Variants in COBL observed in about 807,000 individuals in gnomAD.
COBL encodes the protein protein cordon-bleu.
In COBL, 51 loss-of-function variants were observed where a neutral mutation model predicts 98.8. The ratio of observed to expected loss-of-function variants is 0.52; its 90% CI spans 0.41 to 0.65. The LOEUF is 0.65. Among genes scored for constraint, COBL ranks in the 30% least tolerant of loss-of-function variants. The pLI, the probability that COBL is intolerant of heterozygous loss-of-function variation, is 0.00. For synonymous variants in COBL, 634 were observed against 651.7 expected, an observed-to-expected ratio of 0.97 and a Z score of 0.41; for missense variants, 1,617 against 1,617.5, an observed-to-expected ratio of 1.00 and a Z score of 0.01.
At chr7:51,237,315 AAGG>A (rs1312747274) in intron 1 of COBL, among the ~76,000 whole-genome samples, 1 of 139,882 alleles carries the variant, frequency 7.1e-6, no homozygotes, top group Non-Finnish European at 1.5e-5. Context: ...TAAGCAAATA[AAGG>A]AGTTTACTTC....
intron 7 of COBL, among the ~76,000 whole-genome samples, chr7:51,057,132 C>T (rs765986307): frequency 1.2e-4 from 18 of 152,258 alleles, no homozygotes; most frequent in South Asian, 1.0e-3. Flanking sequence ...CTCAAGGTTG[C>T]AGAGATTGTG....
intron 7 of COBL, among the ~76,000 whole-genome samples, chr7:51,081,888 C>T (rs1006587867): frequency 1.3e-5 from 2 of 152,086 alleles, no homozygotes; most frequent in Non-Finnish European, 2.9e-5. Flanking sequence ...GAGCCATCCA[C>T]GCCACGGCTG....
chr7:51,203,358 A>C (rs1451119413), intron 2 of COBL, among the ~76,000 whole-genome samples: 2 of 135,292 alleles, frequency 1.5e-5, no homozygotes, highest in African/African-American at 6.0e-5. Context: ...GCTACTCGGG[A>C]GGCTGAGGCA....
intron 5 of COBL, chr7:51,156,510 C>T (rs1042501212): frequency 2.4e-5 from 24 of 984,958 alleles, no homozygotes; most frequent in Middle Eastern, 5.2e-4. Flanking sequence ...AGGAGTTACG[C>T]TCACCATATA....
chr7:51,303,180 G>T (rs1052554240), intron 1 of COBL, among the ~76,000 whole-genome samples: 1 of 152,196 alleles, frequency 6.6e-6, no homozygotes, highest in Non-Finnish European at 1.5e-5. Flanking sequence ...CGGATGCAGA[G>T]ATAGACACAA....
chr7:51,165,248 C>A (rs1787192608), intron 5 of COBL, among the ~76,000 whole-genome samples: 1 of 151,804 alleles, frequency 6.6e-6, no homozygotes, highest in South Asian at 2.1e-4. Flanking sequence ...AAAAATACAC[C>A]TCAACTGAAA....
At chr7:51,291,616 C>G (rs903529397) in intron 1 of COBL, among the ~76,000 whole-genome samples, 1 of 151,926 alleles carries the variant, frequency 6.6e-6, no homozygotes, top group Non-Finnish European at 1.5e-5. Flanking sequence ...CAAAAATTAG[C>G]TGGGTGTGGT....
intron 6 of COBL, among the ~76,000 whole-genome samples, chr7:51,090,083 T>C (rs1794668874): frequency 6.6e-6 from 1 of 152,192 alleles, no homozygotes; most frequent in African/African-American, 2.4e-5. Context: ...TTTCAATAAA[T>C]CCATTTACTA....
intron 7 of COBL, among the ~76,000 whole-genome samples, chr7:51,063,492 T>G (rs1791594933): frequency 6.6e-6 from 1 of 152,232 alleles, no homozygotes; most frequent in South Asian, 2.1e-4. Flanking sequence ...TATTTCTGAC[T>G]TTTTAAAAAT....
At chr7:51,222,084 G>A (rs1274869519) in intron 1 of COBL, among the ~76,000 whole-genome samples, 1 of 152,120 alleles carries the variant, frequency 6.6e-6, no homozygotes, top group Non-Finnish European at 1.5e-5. Flanking sequence ...AGCCAGTTGG[G>A]AGCCTCAGGC....
At chr7:51,041,735 G>A (rs1219562765) in intron 8 of COBL, among the ~76,000 whole-genome samples, 2 of 151,832 alleles carry the variant, frequency 1.3e-5, no homozygotes, top group East Asian at 1.9e-4. Context: ...CCGCCCACCT[G>A]AGCCTCCCAA....
At chr7:51,166,049 T>C (rs1394280723) in intron 5 of COBL, among the ~76,000 whole-genome samples, 1 of 151,824 alleles carries the variant, frequency 6.6e-6, no homozygotes, top group Non-Finnish European at 1.5e-5. Flanking sequence ...ACTATGCATC[T>C]TAAAGAATTA....
In COBL at chr7:51,058,783, C is replaced by T. The variant is rs536980159; in HGVS notation, c.1097-15091G>A. ...AGCATGGACAGCCGGAGCCTCTGAG[C>T]GTGGGCTGTTAGAGCGAGTCTGATT... is the stretch of plus-strand genomic sequence containing the variant. On this transcript the variant is annotated intron_variant, in intron 7 of 12. Transcript: ENST00000265136. 1.3e-3 allele frequency among the ~76,000 whole-genome samples: 200 copies of T among 152,320 alleles called. 1 individual carries two copies. The highest frequency in any genetic ancestry group is 4.5e-3 in the African/African-American group (188 of 41,582).
intron 5 of COBL, among the ~76,000 whole-genome samples, chr7:51,144,248 C>T (rs1420861156): frequency 1.3e-5 from 2 of 152,248 alleles, no homozygotes; most frequent in East Asian, 3.9e-4. Context: ...ATATATGAAC[C>T]CACTTGACCC....
chr7:51,262,647 C>T (rs1797821579), intron 1 of COBL, among the ~76,000 whole-genome samples: 1 of 152,214 alleles, frequency 6.6e-6, no homozygotes, highest in Non-Finnish European at 1.5e-5. Context: ...CAGTCACCAT[C>T]ACATGGACGT....
chr7:51,080,405 G>C (rs1192386555), intron 7 of COBL, among the ~76,000 whole-genome samples: 1 of 152,220 alleles, frequency 6.6e-6, no homozygotes, highest in African/African-American at 2.4e-5. Context: ...GAAAGCCACA[G>C]TGTCCCCTGG....
At chr7:51,193,346 G>A (rs1380604288) in intron 3 of COBL, 33 bp downstream of exon 3, 1 of 1,594,024 alleles carries the variant, frequency 6.3e-7, no homozygotes, top group African/African-American at 1.3e-5. Context: ...CACACATTCA[G>A]ACACAGGTAT....
At chr7:51,086,433 T>C (rs1361634340) in intron 6 of COBL, among the ~76,000 whole-genome samples, 2 of 150,620 alleles carry the variant, frequency 1.3e-5, no homozygotes, top group African/African-American at 4.9e-5. Flanking sequence ...TGCTCTCTAG[T>C]AGCTCAGAGC....
chr7:51,066,179 C>T (rs1351325033), intron 7 of COBL, among the ~76,000 whole-genome samples: 1 of 152,232 alleles, frequency 6.6e-6, no homozygotes, highest in Non-Finnish European at 1.5e-5. Context: ...GTGACTGTCT[C>T]AGTCTCTGTG....
Sources: gnomAD v4.1 joint callset for allele counts (sites outside exome capture counted in the v4.1 genomes callset) on GRCh38, gnomAD v4.1.1 for gene constraint, MANE v1.5 for transcripts, NCBI Gene and HGNC (gene_info 2026-07-23, HGNC 2026-07-21) for gene names.